The following ADSS2 variants were observed in gnomAD, a reference collection of about 807,000 sequenced individuals.
ADSS2 encodes the protein adenylosuccinate synthase 2, also known as adenylosuccinate synthetase isozyme 2.
A neutral mutation model predicts 60.0 loss-of-function variants in ADSS2; 30 were observed. That is an observed-to-expected ratio of 0.50 (90% CI 0.37 to 0.68). The LOEUF is 0.68. Ranked by LOEUF, ADSS2 falls within the 30% of genes least tolerant of loss-of-function variation. The pLI is 0.00. For missense variants in ADSS2, 373 were observed against 554.8 expected (o/e 0.67, Z 3.29); for synonymous variants, 187 against 193.1 (o/e 0.97, Z 0.26).
chr1:244,449,936 C>A (rs1665490904), intron 1 of ADSS2, among the ~76,000 whole-genome samples: 1 of 152,228 alleles, frequency 6.6e-6, no homozygotes, highest in Non-Finnish European at 1.5e-5. Flanking sequence ...CTACAAACTA[C>A]TTCTAATATT....
intron 10 of ADSS2, 133 bp downstream of exon 10, chr1:244,417,495 T>C: frequency 8.9e-7 from 1 of 1,123,060 alleles, no homozygotes; most frequent in Non-Finnish European, 1.2e-6. Context: ...TTGGTCTACT[T>C]CTGCCTGGCA....
chr1:244,451,758 G>A lies in ADSS2; in HGVS notation c.60C>T (p.Arg20=). 1 of 1,601,842 alleles carries A rather than the reference G, an allele frequency of 6.2e-7. No individual in the cohort carries two copies. The highest frequency in any genetic ancestry group is 8.5e-7 in the Non-Finnish European group (1 of 1,174,844). Residue 20 remains arginine (R), a synonymous_variant, in exon 1 of 13, where the codon CGC becomes CGT. Coordinates refer to ENST00000366535, the MANE Select transcript of ADSS2 (RefSeq NM_001126.5). This position sits in a 1 kb window ranked among gnomAD's most constrained non-coding sequence, Gnocchi z 6.6. The stretch of plus-strand genomic sequence containing the variant: ...GGTTTCCTCCGGGCCGCGCCCTGGG[G>A]CGGCCGCAATCGCCGTTGGGCAGGG... ...ASSLPNGDCG[R]PRARPGGNRV... is the part of the protein sequence containing the mutation.
intron 3 of ADSS2, 78 bp downstream of exon 3, chr1:244,436,747 T>C: frequency 8.0e-7 from 1 of 1,249,404 alleles, no homozygotes; most frequent in Non-Finnish European, 1.1e-6. Context: ...AAGACAAACA[T>C]GTTGTTCGTC....
intron 1 of ADSS2, among the ~76,000 whole-genome samples, chr1:244,446,746 T>C (rs932145611): frequency 3.9e-5 from 6 of 152,198 alleles, no homozygotes; most frequent in Admixed American, 2.0e-4. Context: ...GATGAGGCCA[T>C]AAGACATCCA....
At chr1:244,431,296 A>G (rs929189421) in intron 4 of ADSS2, among the ~76,000 whole-genome samples, 1 of 152,192 alleles carries the variant, frequency 6.6e-6, no homozygotes, top group Non-Finnish European at 1.5e-5. Flanking sequence ...AAACCAAAAC[A>G]AAACCCTTTT....
At chr1:244,439,368 G>A (rs1665180175) in intron 1 of ADSS2, among the ~76,000 whole-genome samples, 1 of 152,156 alleles carries the variant, frequency 6.6e-6, no homozygotes, top group Non-Finnish European at 1.5e-5. Flanking sequence ...TTAGCTAGTA[G>A]GTAACGAATC....
chr1:244,412,997 G>T (rs1201361314), intron 11 of ADSS2, among the ~76,000 whole-genome samples: 1 of 152,168 alleles, frequency 6.6e-6, no homozygotes, highest in African/African-American at 2.4e-5. Context: ...TCAGGTCCCA[G>T]TGTAACCTGG....
chr1:244,424,162 TTA>T, intron 5 of ADSS2, 102 bp from the exon 6 acceptor site: 1 of 1,199,190 alleles, frequency 8.3e-7, no homozygotes, highest in Non-Finnish European at 1.2e-6. Flanking sequence ...TATTTTCTGT[TTA>T]TGTTATTTCT....
chr1:244,426,008 CT>C (rs1664794855), intron 4 of ADSS2, among the ~76,000 whole-genome samples: 1 of 151,986 alleles, frequency 6.6e-6, no homozygotes, highest in African/African-American at 2.4e-5. Flanking sequence ...TAAGGGGATA[CT>C]ATATAGCAAT....
chr1:244,432,656 ATTTCT>A (rs1255538305), intron 3 of ADSS2, 61 bp from the exon 4 acceptor site: 19 of 709,886 alleles, frequency 2.7e-5, no homozygotes, highest in African/African-American at 5.6e-5. Flanking sequence ...TAAAATCTTA[ATTTCT>A]TTTTTTTTTT....
At chr1:244,430,033 T>C (rs1330588661) in intron 4 of ADSS2, among the ~76,000 whole-genome samples, 1 of 152,120 alleles carries the variant, frequency 6.6e-6, no homozygotes, top group East Asian at 1.9e-4. Context: ...ACACCTACAT[T>C]TCAGTCTGCG....
intron 7 of ADSS2, among the ~76,000 whole-genome samples, chr1:244,420,541 A>G (rs1175841117): frequency 2.0e-5 from 3 of 152,218 alleles, no homozygotes; most frequent in Non-Finnish European, 2.9e-5. Context: ...CAAAGGTTCT[A>G]TATTAACCTC....
At chr1:244,435,166 T>TC (rs1665054861) in intron 3 of ADSS2, among the ~76,000 whole-genome samples, 2 of 32,624 alleles carry the variant, frequency 6.1e-5, no homozygotes, top group Admixed American at 6.4e-4. Context: ...AGACTCCGTC[T>TC]CCAAAAAAAA....
intron 3 of ADSS2, among the ~76,000 whole-genome samples, chr1:244,433,176 C>T (rs12027053): frequency 0.057 from 8,662 of 152,130 alleles, 651 homozygotes; most frequent in East Asian, 0.42. Flanking sequence ...GCAGAGGTTG[C>T]AGTAAGCCAA....
At chr1:244,421,895 G>A (rs181196556) in intron 7 of ADSS2, among the ~76,000 whole-genome samples, 60 of 152,206 alleles carry the variant, frequency 3.9e-4, no homozygotes, top group African/African-American at 1.3e-3. Context: ...GATCCCTTGA[G>A]CCTAGAAAGT....
rs755080958 is a variant in ADSS2, at chr1:244,432,602, A to T, written c.356-7T>A. 5 of 1,539,114 alleles carry T rather than the reference A, an allele frequency of 3.2e-6. No homozygotes were observed. Among genetic ancestry groups the T allele is most frequent in the Non-Finnish European group, 4.4e-6 (5 of 1,130,648 alleles). On this transcript the variant is annotated splice_polypyrimidine_tract_variant and splice_region_variant and intron_variant, in intron 3 of 12. Transcript: ENST00000366535. Reference sequence around the variant, plus strand: ...TTTTCCCAGCCTTCTAGTCCTAGAAAGGGGAAAAAGATATATTTAATTGAA... The same window carrying T: ...TTTTCCCAGCCTTCTAGTCCTAGAATGGGGAAAAAGATATATTTAATTGAA...
chr1:244,411,404 G>T lies in ADSS2; in HGVS notation c.1201C>A (p.Gln401Lys). The T allele has an allele frequency of 6.2e-7, 1 of 1,611,552 alleles. No individual in the cohort carries two copies. Among genetic ancestry groups the T allele is most frequent in the South Asian group, 1.1e-5 (1 of 90,118 alleles). Residue 401 changes from glutamine to lysine, a missense_variant, in exon 12 of 13, where the codon CAA (glutamine) becomes AAA (lysine). Transcript: ENST00000366535. ...TTCCATCCTGGGAGAGTCTTATATT[G>T]AACTTCAACTTTATTTAAGACTTCT... ...NQEVLNKVEV[Q>K]YKTLPGWNTD...
chr1:244,447,766 C>T (rs1665431453), intron 1 of ADSS2, among the ~76,000 whole-genome samples: 1 of 152,082 alleles, frequency 6.6e-6, no homozygotes, highest in African/African-American at 2.4e-5. Context: ...ATGTATGCCA[C>T]CAGTCAATTA....
Position 244,442,696 on chromosome 1 carries a change from A to C in ADSS2, c.184-4928T>G, listed in dbSNP as rs116606837. On this transcript the variant is annotated intron_variant, in intron 1 of 12. Transcript: ENST00000366535. Reference sequence around the variant, plus strand: ...CAGGAGAACTGAGAAAGAGCTGCTCATAAGGAGTTTCTTGATGAGGTAATC... The same window carrying C: ...CAGGAGAACTGAGAAAGAGCTGCTCCTAAGGAGTTTCTTGATGAGGTAATC... Among the ~76,000 whole-genome samples the C allele has an allele frequency of 5.0e-3, 757 of 152,296 alleles. 8 individuals carry two copies. Among genetic ancestry groups the C allele is most frequent in the African/African-American group, 0.018 (732 of 41,550 alleles).
Sources: gnomAD v4.1 joint callset for allele counts (sites outside exome capture counted in the v4.1 genomes callset) on GRCh38, gnomAD v4.1.1 for gene constraint, Gnocchi (gnomAD v3.1) non-coding constraint, MANE v1.5 for transcripts, NCBI Gene and HGNC (gene_info 2026-07-23, HGNC 2026-07-21) for gene names.